The following SH2D4A variants were observed in gnomAD, a reference collection of about 807,000 sequenced individuals.
SH2D4A encodes the protein SH2 domain containing 4A.
In SH2D4A, 70 loss-of-function variants were observed where a neutral mutation model predicts 64.7. The observed-to-expected ratio is 1.08, with a 90% CI of 0.89 to 1.32. The LOEUF is 1.32. SH2D4A is among the 40% of genes most tolerant of loss of function. The probability of loss-of-function intolerance (pLI) is 0.00; values close to 1 mark genes in which losing one functional copy is unlikely to be tolerated. For synonymous variants in SH2D4A, 268 were observed against 200.7 expected (o/e 1.34, Z -2.83); for missense variants, 706 against 540.1 (o/e 1.31, Z -3.04).
chr8:19,368,030 G>A (rs1751040150), intron 7 of SH2D4A, among the ~76,000 whole-genome samples: 1 of 152,140 alleles, frequency 6.6e-6, no homozygotes, highest in African/African-American at 2.4e-5. Context: ...ATTTTGAGCT[G>A]ATTTTTGCAC....
At chr8:19,322,608 T>A (rs936080651) in intron 2 of SH2D4A, among the ~76,000 whole-genome samples, 1 of 129,874 alleles carries the variant, frequency 7.7e-6, no homozygotes, top group Non-Finnish European at 1.6e-5. Context: ...ACTTGTCTAT[T>A]ATTCTTTTTT....
intron 4 of SH2D4A, 22 bp downstream of exon 4, chr8:19,334,879 A>C (rs537168990): frequency 7.0e-6 from 11 of 1,575,640 alleles, no homozygotes; most frequent in Non-Finnish European, 9.4e-6. Context: ...CTGTCTGTAG[A>C]CGTGCGGAAT....
Position 19,395,295 on chromosome 8 carries a change from GCCTCC to G in SH2D4A, c.*657_*661del, listed in dbSNP as rs1459352751. ...GGAGAATGGGGCCGGGGCTGGCCTG[GCCTCC>G]CCTGGATATACTCTATAGTGCACCA... is the stretch of plus-strand genomic sequence containing the variant. On this transcript the variant is annotated 3_prime_UTR_variant, in exon 10 of 10. Coordinates refer to ENST00000265807, the MANE Select transcript of SH2D4A (RefSeq NM_022071.4). The G allele has an allele frequency of 6.6e-6, 1 of 152,212 alleles. No individual in the cohort carries two copies. The highest frequency in any genetic ancestry group is 2.4e-5 in the African/African-American group (1 of 41,436). 9.4% of individuals were successfully genotyped at this position (152,212 alleles called of 1,614,324 possible). A position where few individuals can be genotyped will look rare whatever the true frequency, so the allele number is the denominator to read the frequency against.
chr8:19,357,439 C>G (rs959226835), intron 5 of SH2D4A, among the ~76,000 whole-genome samples, 156 bp downstream of exon 5: 1 of 152,134 alleles, frequency 6.6e-6, no homozygotes, highest in Non-Finnish European at 1.5e-5. Context: ...GCATCTTTAC[C>G]CGTTTATCTG....
Position 19,319,510 on chromosome 8 carries a change from C to G in SH2D4A, c.-38C>G. 7.0e-7 allele frequency: 1 copy of G among 1,420,014 alleles called. No individual in the cohort carries two copies. Among genetic ancestry groups the G allele is most frequent in the Non-Finnish European group, 9.3e-7 (1 of 1,080,252 alleles). The allele number at this position is 1,420,014 out of a possible 1,614,324, so 88.0% of individuals were successfully genotyped here. Reference sequence around the variant, plus strand: ...GACACCTGGAGGCCAGTTTCAGGAACTTTTGCCACAAGTATAAAAGACTTC... The same window carrying G: ...GACACCTGGAGGCCAGTTTCAGGAAGTTTTGCCACAAGTATAAAAGACTTC... On this transcript the variant is annotated 5_prime_UTR_variant, in exon 2 of 10. Coordinates refer to ENST00000265807, the MANE Select transcript of SH2D4A (RefSeq NM_022071.4).
intron 5 of SH2D4A, 69 bp from the exon 6 acceptor site, chr8:19,361,134 G>T (rs1181391388): frequency 6.9e-6 from 6 of 866,018 alleles, no homozygotes; most frequent in African/African-American, 5.2e-5. Context: ...GAAACTGCTG[G>T]ATTTGCTCAC....
At chr8:19,362,857 T>A (rs2052915291) in intron 6 of SH2D4A, among the ~76,000 whole-genome samples, 1 of 152,138 alleles carries the variant, frequency 6.6e-6, no homozygotes. Context: ...ATTTTATAAA[T>A]GTAGTGTAGC....
rs2052990933 is a variant in SH2D4A at position 19,366,192 on chromosome 8, T to C, written c.917+1910T>C. On this transcript the variant is annotated intron_variant, in intron 7 of 9. Coordinates refer to ENST00000265807, the MANE Select transcript of SH2D4A (RefSeq NM_022071.4). ...TTTTAATTGACACAATAATTGTATG[T>C]ATTTATGGGATACAGTGTGATGTTT... Among the ~76,000 whole-genome samples the C allele has an allele frequency of 2.0e-5, 3 of 152,188 alleles. No individual in the cohort carries two copies. The South Asian group carries it at 6.2e-4, about 32-fold the overall frequency.
chr8:19,356,203 G>A (rs17128272), intron 4 of SH2D4A, among the ~76,000 whole-genome samples: 18,820 of 152,198 alleles, frequency 0.12, 1,231 homozygotes, highest in Middle Eastern at 0.18. Flanking sequence ...GACAACCGCT[G>A]AGGCATTTGG....
chr8:19,393,511 C>G lies in SH2D4A; in HGVS notation c.1242C>G (p.Ala414=). 6.2e-6 allele frequency: 10 copies of G among 1,614,204 alleles called. No homozygotes were observed. Among genetic ancestry groups the G allele is most frequent in the Non-Finnish European group, 8.5e-6 (10 of 1,180,042 alleles). The change falls in exon 9 of 10, where the codon GCC becomes GCG. Residue 414 remains alanine (A), a synonymous_variant. Transcript: ENST00000265807. ...TGGGCGTGGACCAGCTACAGCATGCCACCTTGGCGGATTTGGTGGAATATC... is the reference window on the plus strand; with the variant it reads ...TGGGCGTGGACCAGCTACAGCATGCGACCTTGGCGGATTTGGTGGAATATC... ...SFLGVDQLQH[A]TLADLVEYHK... is the part of the protein sequence containing the mutation.
At chr8:19,336,434 C>T (rs1443330857) in intron 4 of SH2D4A, among the ~76,000 whole-genome samples, 2 of 152,264 alleles carry the variant, frequency 1.3e-5, no homozygotes, top group Admixed American at 1.3e-4. Flanking sequence ...ATTGAGGCCT[C>T]CCGTCCTCCC....
chr8:19,317,405 T>A (rs182466945), intron 1 of SH2D4A, among the ~76,000 whole-genome samples: 1 of 151,846 alleles, frequency 6.6e-6, no homozygotes, highest in African/African-American at 2.4e-5. Flanking sequence ...TGATATTACT[T>A]TTAGTCCTTT....
intron 7 of SH2D4A, among the ~76,000 whole-genome samples, 200 bp downstream of exon 7, chr8:19,364,482 G>A (rs1585185735): frequency 6.6e-6 from 1 of 152,098 alleles, no homozygotes; most frequent in Non-Finnish European, 1.5e-5. Flanking sequence ...GCTGTCAAAT[G>A]TCCATAGCTG....
intron 2 of SH2D4A, among the ~76,000 whole-genome samples, chr8:19,329,771 C>G (rs961460104): frequency 1.3e-5 from 2 of 152,282 alleles, no homozygotes; most frequent in Admixed American, 1.3e-4. Context: ...CTTACTCTCC[C>G]TTTGCCTGCT....
intron 4 of SH2D4A, among the ~76,000 whole-genome samples, chr8:19,350,163 T>A (rs58884230): frequency 0.091 from 13,821 of 152,276 alleles, 673 homozygotes; most frequent in Middle Eastern, 0.14. Context: ...CACAATTCCT[T>A]TATTTCTCTT....
chr8:19,342,517 A>G (rs2052544794), intron 4 of SH2D4A, among the ~76,000 whole-genome samples: 1 of 152,222 alleles, frequency 6.6e-6, no homozygotes, highest in Middle Eastern at 3.2e-3. Flanking sequence ...GTGGTTATAG[A>G]TAGCCCTCTA....
chr8:19,320,696 C>T (rs2052174816), intron 2 of SH2D4A, among the ~76,000 whole-genome samples: 1 of 151,714 alleles, frequency 6.6e-6, no homozygotes, highest in Admixed American at 6.6e-5. Flanking sequence ...CATTGTCCAC[C>T]CTCCTCACTC....
chr8:19,323,224 T>G (rs1412502647), intron 2 of SH2D4A, among the ~76,000 whole-genome samples: 1 of 152,034 alleles, frequency 6.6e-6, no homozygotes, highest in Admixed American at 6.6e-5. Context: ...TAGTCTGGAT[T>G]GAGGTGTGCT....
At chr8:19,316,570 C>G (rs972291218) in intron 1 of SH2D4A, among the ~76,000 whole-genome samples, 3 of 152,308 alleles carry the variant, frequency 2.0e-5, no homozygotes, top group Admixed American at 2.0e-4. Context: ...GTGTGTGCAC[C>G]TGGCCTCCCC....
Sources: gnomAD v4.1 joint callset for allele counts (sites outside exome capture counted in the v4.1 genomes callset) on GRCh38, gnomAD v4.1.1 for gene constraint, MANE v1.5 for transcripts, NCBI Gene and HGNC (gene_info 2026-07-23, HGNC 2026-07-21) for gene names.